Variants in CADM2 observed in about 807,000 individuals in gnomAD.
CADM2 encodes immunoglobulin superfamily member 4D.
A neutral mutation model predicts 49.8 loss-of-function variants in CADM2; 12 were observed. That is an observed-to-expected ratio of 0.24 (90% confidence interval 0.15 to 0.39). CADM2 has a LOEUF of 0.39. Ranked by LOEUF, CADM2 falls within the 10% of genes least tolerant of loss-of-function variation. CADM2 has a pLI of 1.00. For synonymous variants in CADM2, 214 were observed against 175.4 expected, an observed-to-expected ratio of 1.22 and a Z score of -1.74; for missense variants, 378 against 492.3, an observed-to-expected ratio of 0.77 and a Z score of 2.20.
Position 85,877,684 on chromosome 3 carries a change from G to GTTTTTTTTTTTTTTTTTTTTTTTTTTTTT in CADM2, c.239-5588_239-5587insTTTTTTTTTTTTTTTTTTTTTTTTTTTTT, listed in dbSNP as rs368101272. 1.2e-4 allele frequency among the ~76,000 whole-genome samples: 13 copies of GTTTTTTTTTTTTTTTTTTTTTTTTTTTTT among 112,026 alleles called. 1 individual carries two copies. Among genetic ancestry groups the GTTTTTTTTTTTTTTTTTTTTTTTTTTTTT allele is most frequent in the Non-Finnish European group, 1.2e-4 (7 of 56,310 alleles). The allele number at this position is 112,026 out of a possible 152,430, so 73.5% of individuals were successfully genotyped here. On this transcript the variant is annotated intron_variant, in intron 3 of 9. Coordinates refer to ENST00000383699, the MANE Select transcript of CADM2 (RefSeq NM_001167675.2). Reference sequence around the variant, plus strand: ...CTAAATGGAACATTTTTTTTCTTCTGTTTTTTTTTTTTTTTTTTTGGTTTT... The same window carrying GTTTTTTTTTTTTTTTTTTTTTTTTTTTTT: ...CTAAATGGAACATTTTTTTTCTTCTGTTTTTTTTTTTTTTTTTTTTTTTTTTTTTTTTTTTTTTTTTTTTTTTTGGTTTT...
chr3:85,305,290 T>A, intron 1 of CADM2, among the ~76,000 whole-genome samples: 1 of 151,734 alleles, frequency 6.6e-6, no homozygotes, highest in South Asian at 2.1e-4. Flanking sequence ...GAATTCAAAA[T>A]TTAAAATAAT....
At chr3:85,028,146 T>A (rs2034816549) in intron 1 of CADM2, among the ~76,000 whole-genome samples, 1 of 152,170 alleles carries the variant, frequency 6.6e-6, no homozygotes, top group Non-Finnish European at 1.5e-5. Context: ...GCACTGGGTA[T>A]TTTTATTTCC....
chr3:85,410,607 C>T (rs1477284172), intron 1 of CADM2, among the ~76,000 whole-genome samples: 1 of 152,126 alleles, frequency 6.6e-6, no homozygotes, highest in African/African-American at 2.4e-5. Flanking sequence ...AGTAAAATTA[C>T]ATGAGGTCTG....
At chr3:85,162,971 A>G (rs987280927) in intron 1 of CADM2, among the ~76,000 whole-genome samples, 3 of 152,026 alleles carry the variant, frequency 2.0e-5, no homozygotes, top group Non-Finnish European at 4.4e-5. Context: ...TATTGAAAGA[A>G]TACAATTTGA....
At chr3:85,637,621 A>AAT (rs1553753403) in intron 1 of CADM2, among the ~76,000 whole-genome samples, 6 of 114,528 alleles carry the variant, frequency 5.2e-5, no homozygotes, top group African/African-American at 2.3e-4. Flanking sequence ...AAAAAAAAAA[A>AAT]AAAATAAAAT....
At position 85,853,675 on chromosome 3, in the gene CADM2, G is replaced by T. The variant is rs552318181; in HGVS notation, c.239-29616G>T. Among the ~76,000 whole-genome samples, 201 of 134,744 alleles carry T rather than the reference G, an allele frequency of 1.5e-3. 1 individual carries two copies. The highest frequency in any genetic ancestry group is 5.1e-3 in the African/African-American group (192 of 37,328). 88.4% of individuals were successfully genotyped at this position (134,744 alleles called of 152,430 possible). A position where few individuals can be genotyped will look rare whatever the true frequency, so the allele number is the denominator to read the frequency against. On this transcript the variant is annotated intron_variant, in intron 3 of 9. Coordinates refer to ENST00000383699, the MANE Select transcript of CADM2 (RefSeq NM_001167675.2). Reference sequence around the variant, plus strand: ...CCAAAACTAGAAACTTCCATGAGATGAAAAAAAAAAAATACTTGTGTAATT... The same window carrying T: ...CCAAAACTAGAAACTTCCATGAGATTAAAAAAAAAAAATACTTGTGTAATT...
At chr3:85,092,334 T>C (rs1575845078) in intron 1 of CADM2, among the ~76,000 whole-genome samples, 1 of 152,292 alleles carries the variant, frequency 6.6e-6, no homozygotes. Context: ...AGCAGACTTA[T>C]ATAATTCACT....
intron 1 of CADM2, among the ~76,000 whole-genome samples, chr3:85,348,476 A>C (rs895845033): frequency 7.2e-5 from 11 of 152,356 alleles, no homozygotes; most frequent in Admixed American, 3.3e-4. Flanking sequence ...TTTTATCACA[A>C]GAAAATTTAT....
intron 1 of CADM2, among the ~76,000 whole-genome samples, chr3:85,112,855 T>C (rs1013075370): frequency 6.6e-6 from 1 of 151,786 alleles, no homozygotes; most frequent in African/African-American, 2.4e-5. Context: ...TCAATGTATG[T>C]AATAAGATTA....
intron 1 of CADM2, among the ~76,000 whole-genome samples, chr3:85,480,301 G>T (rs975850257): frequency 2.6e-5 from 4 of 151,594 alleles, no homozygotes; most frequent in African/African-American, 9.7e-5. Flanking sequence ...CAACCATATT[G>T]TTTTCATTAT....
At chr3:85,730,163 C>T (rs1003093206) in intron 2 of CADM2, among the ~76,000 whole-genome samples, 3 of 152,074 alleles carry the variant, frequency 2.0e-5, no homozygotes, top group East Asian at 1.9e-4. Context: ...CATTCCTGGC[C>T]GGGTGCAGTG....
rs72907106 is a variant in CADM2 at position 85,128,077 on chromosome 3, T to C, written c.61+168409T>C. 6.2e-3 allele frequency among the ~76,000 whole-genome samples: 922 copies of C among 149,158 alleles called. 14 individuals carry two copies. Among genetic ancestry groups the C allele is most frequent in the African/African-American group, 0.021 (858 of 41,350 alleles). ...TAGAGATAGAGAACATTTCCATTAT[T>C]GCAGAAAGTTTATTGAATGGTGCTT... On this transcript the variant is annotated intron_variant, in intron 1 of 9. Coordinates refer to ENST00000383699, the MANE Select transcript of CADM2 (RefSeq NM_001167675.2).
chr3:86,040,940 GAA>G (rs886446474), intron 8 of CADM2, among the ~76,000 whole-genome samples: 9 of 152,124 alleles, frequency 5.9e-5, no homozygotes, highest in Non-Finnish European at 1.3e-4. Flanking sequence ...CATTCTTAAA[GAA>G]AAGAATTTTC....
chr3:85,060,691 A>AT (rs1420138575), intron 1 of CADM2, among the ~76,000 whole-genome samples: 7 of 152,112 alleles, frequency 4.6e-5, no homozygotes, highest in Non-Finnish European at 1.0e-4. Flanking sequence ...AAAAATGTTC[A>AT]TTTTATATTG....
rs186782834 is a variant in CADM2, at chr3:85,615,637, G to T, written c.62-110885G>T. ...TTTTATTAGGGAAATGAATAATGAT[G>T]ACACTTTTCTAGGCTAAGATAATCC... On this transcript the variant is annotated intron_variant, in intron 1 of 9. Coordinates refer to ENST00000383699, the MANE Select transcript of CADM2 (RefSeq NM_001167675.2). Among the ~76,000 whole-genome samples, 57 of 151,346 alleles carry T rather than the reference G, an allele frequency of 3.8e-4. No individual in the cohort carries two copies. The East Asian group carries it at 9.5e-3, about 25-fold the overall frequency.
intron 8 of CADM2, among the ~76,000 whole-genome samples, chr3:86,016,572 A>G (rs140986001): frequency 2.0e-3 from 299 of 152,278 alleles, no homozygotes; most frequent in African/African-American, 6.2e-3. Context: ...AGCTAGCACA[A>G]ATTTTGTTAA....
intron 1 of CADM2, among the ~76,000 whole-genome samples, chr3:85,368,493 G>C (rs2032962889): frequency 1.3e-5 from 2 of 150,450 alleles, no homozygotes; most frequent in Non-Finnish European, 3.0e-5. Flanking sequence ...AGGTTGATGA[G>C]ATTCATATGT....
chr3:85,153,509 G>A (rs1318522235), intron 1 of CADM2, among the ~76,000 whole-genome samples: 1 of 152,206 alleles, frequency 6.6e-6, no homozygotes, highest in Non-Finnish European at 1.5e-5. Context: ...GCAAGGCTGG[G>A]GGAGGGGCGC....
intron 8 of CADM2, chr3:85,979,432 G>T: frequency 2.4e-6 from 2 of 817,630 alleles, no homozygotes; most frequent in South Asian, 2.7e-5. Context: ...TAGGGTTATT[G>T]GAATAGAATA....
Sources: gnomAD v4.1 joint callset for allele counts (sites outside exome capture counted in the v4.1 genomes callset) on GRCh38, gnomAD v4.1.1 for gene constraint, MANE v1.5 for transcripts, NCBI Gene and HGNC (gene_info 2026-07-23, HGNC 2026-07-21) for gene names.